Variants in HECW1 observed in about 807,000 individuals in gnomAD.
HECW1 encodes HECT, C2 and WW domain containing E3 ubiquitin protein ligase 1.
In HECW1, 61 loss-of-function variants were observed where a neutral mutation model predicts 182.3. The observed-to-expected ratio is 0.33, with a 90% CI of 0.27 to 0.41. The LOEUF (loss-of-function observed/expected upper bound fraction) is 0.41. Ranked by LOEUF, HECW1 falls within the 10% of genes least tolerant of loss-of-function variation. The probability of loss-of-function intolerance (pLI) is 1.00; values close to 1 mark genes in which losing one functional copy is unlikely to be tolerated. For missense variants in HECW1, 1,739 were observed against 2,108.9 expected (o/e 0.82, Z 3.44); for synonymous variants, 859 against 832.6 (o/e 1.03, Z -0.55).
chr7:43,182,849 A>G (rs995574886), intron 2 of HECW1, among the ~76,000 whole-genome samples: 5 of 152,218 alleles, frequency 3.3e-5, no homozygotes, highest in East Asian at 1.9e-4. Flanking sequence ...GTCCTCTTCA[A>G]TTTCTTTCAT....
At chr7:43,191,126 A>G (rs1040486995) in intron 2 of HECW1, among the ~76,000 whole-genome samples, 2 of 151,808 alleles carry the variant, frequency 1.3e-5, no homozygotes, top group Non-Finnish European at 2.9e-5. Context: ...GAGTAGATTA[A>G]CACTCTTGGG....
intron 3 of HECW1, among the ~76,000 whole-genome samples, chr7:43,261,409 GA>G (rs1417592876): frequency 1.3e-5 from 2 of 152,140 alleles, no homozygotes; most frequent in Non-Finnish European, 1.5e-5. Context: ...TTCCTCGTCG[GA>G]TTTGTTCTCT....
At chr7:43,328,372 C>T (rs552443257) in intron 5 of HECW1, among the ~76,000 whole-genome samples, 3 of 152,270 alleles carry the variant, frequency 2.0e-5, no homozygotes, top group South Asian at 4.1e-4. Context: ...TTCAGGGAAA[C>T]ATATCCACCT....
intron 6 of HECW1, among the ~76,000 whole-genome samples, chr7:43,378,416 T>G (rs1164259150): frequency 6.6e-6 from 1 of 152,232 alleles, no homozygotes; most frequent in Non-Finnish European, 1.5e-5. Flanking sequence ...TCTAGAACAA[T>G]CATGTGGTTT....
intron 17 of HECW1, among the ~76,000 whole-genome samples, chr7:43,490,239 G>A (rs1344980898): frequency 6.6e-6 from 1 of 152,128 alleles, no homozygotes; most frequent in Non-Finnish European, 1.5e-5. Context: ...ATCAGACCAT[G>A]TTCAAATAAG....
In HECW1 at chr7:43,463,440, A is replaced by G. The variant is rs181039374; in HGVS notation, c.2652-220A>G. On this transcript the variant is annotated intron_variant, in intron 13 of 29. Transcript: ENST00000395891. ...GTGTTGATTTTTTAAAAGTCGCCAT[A>G]CTTGAAACTCATCATAGCTTGCAAA... is the stretch of plus-strand genomic sequence containing the variant. 2.6e-5 allele frequency among the ~76,000 whole-genome samples: 4 copies of G among 152,318 alleles called. No homozygotes were observed. In the East Asian group the frequency reaches 7.7e-4, roughly 29 times the overall value.
At chr7:43,387,318 G>A (rs1415110101) in intron 6 of HECW1, among the ~76,000 whole-genome samples, 1 of 152,026 alleles carries the variant, frequency 6.6e-6, no homozygotes, top group Non-Finnish European at 1.5e-5. Context: ...AGAGGATCCA[G>A]GTCTTTCTCT....
chr7:43,282,948 T>C (rs1804108650), intron 3 of HECW1, among the ~76,000 whole-genome samples: 1 of 151,896 alleles, frequency 6.6e-6, no homozygotes, highest in South Asian at 2.1e-4. Context: ...GAAAACCCCA[T>C]CCCTACTAAA....
At chr7:43,525,518 G>A (rs2080721760) in intron 24 of HECW1, among the ~76,000 whole-genome samples, 1 of 152,118 alleles carries the variant, frequency 6.6e-6, no homozygotes, top group South Asian at 2.1e-4. Context: ...TGACAGGAGG[G>A]GTGGGCCCAT....
rs1198515351 is a variant in HECW1 at position 43,444,909 on chromosome 7, A to G, written c.1737A>G (p.Ala579=). 4 of 1,601,626 alleles carry G rather than the reference A, an allele frequency of 2.5e-6. No homozygotes were observed. Among genetic ancestry groups the G allele is most frequent in the Non-Finnish European group, 3.4e-6 (4 of 1,172,936 alleles). Residue 579 remains alanine (A), a synonymous_variant, in exon 11 of 30, where the codon GCA becomes GCG. Coordinates refer to ENST00000395891, the MANE Select transcript of HECW1 (RefSeq NM_015052.5). This position sits in a 1 kb window ranked among gnomAD's most constrained non-coding sequence, Gnocchi z 4.3. ...CCTCCGCCCAGGGCGGCAGCGCGGC[A>G]GAGGAGGAGGACGGCGCGGAGGAGG... ...SMPSAQGGSA[A]EEEDGAEEES... is the part of the protein sequence containing the mutation.
chr7:43,402,655 A>G, intron 7 of HECW1, among the ~76,000 whole-genome samples: 1 of 152,222 alleles, frequency 6.6e-6, no homozygotes, highest in Non-Finnish European at 1.5e-5. Context: ...AATTGGGGAC[A>G]TTGCAATATA....
intron 2 of HECW1, among the ~76,000 whole-genome samples, chr7:43,124,356 A>C (rs1310347370): frequency 6.6e-6 from 1 of 152,252 alleles, no homozygotes; most frequent in African/African-American, 2.4e-5. Flanking sequence ...TGCTATTAGC[A>C]GGTGGAACTC....
intron 2 of HECW1, among the ~76,000 whole-genome samples, chr7:43,115,720 C>A (rs1378693889): frequency 6.6e-6 from 1 of 152,182 alleles, no homozygotes; most frequent in Non-Finnish European, 1.5e-5. Flanking sequence ...ACACAATTTT[C>A]CGTAGTTGTG....
At chr7:43,133,050 A>G (rs945417649) in intron 2 of HECW1, among the ~76,000 whole-genome samples, 1 of 152,074 alleles carries the variant, frequency 6.6e-6, no homozygotes, top group South Asian at 2.1e-4. Context: ...ATTTGGGGGA[A>G]TTTACTGAAG....
chr7:43,497,471 T>C (rs111227376), intron 19 of HECW1, among the ~76,000 whole-genome samples: 1 of 152,136 alleles, frequency 6.6e-6, no homozygotes, highest in Non-Finnish European at 1.5e-5. Flanking sequence ...TGACCACAGA[T>C]GCAATCATAT....
At chr7:43,172,449 C>A (rs200886554) in intron 2 of HECW1, among the ~76,000 whole-genome samples, 1 of 149,036 alleles carries the variant, frequency 6.7e-6, no homozygotes, top group Admixed American at 6.6e-5. Context: ...TCAATAAATT[C>A]TTTCACACAT....
chr7:43,132,051 T>A (rs1297644837), intron 2 of HECW1, among the ~76,000 whole-genome samples: 1 of 152,176 alleles, frequency 6.6e-6, no homozygotes, highest in East Asian at 1.9e-4. Flanking sequence ...CAAAGGCAAA[T>A]GCAATCCTAT....
chr7:43,486,770 T>C (rs1009546607), intron 17 of HECW1, among the ~76,000 whole-genome samples: 1 of 152,184 alleles, frequency 6.6e-6, no homozygotes, highest in African/African-American at 2.4e-5. Flanking sequence ...CAATATGTAA[T>C]GAATGCAGAA....
At chr7:43,326,642 A>T (rs575773240) in intron 5 of HECW1, among the ~76,000 whole-genome samples, 1 of 152,340 alleles carries the variant, frequency 6.6e-6, no homozygotes, top group African/African-American at 2.4e-5. Flanking sequence ...CTCTGAGAGG[A>T]AACAGGGCAG....
Sources: gnomAD v4.1 joint callset for allele counts (sites outside exome capture counted in the v4.1 genomes callset) on GRCh38, gnomAD v4.1.1 for gene constraint, Gnocchi (gnomAD v3.1) non-coding constraint, MANE v1.5 for transcripts, NCBI Gene and HGNC (gene_info 2026-07-23, HGNC 2026-07-21) for gene names.